Variants in ANGPTL5 observed in about 807,000 individuals in gnomAD.
ANGPTL5 encodes angiopoietin-related protein 5.
In ANGPTL5, 34 loss-of-function variants were observed where a neutral mutation model predicts 39.4. That is an observed-to-expected ratio of 0.86 (90% CI 0.66 to 1.15). The LOEUF is 1.15. Ranked by LOEUF, ANGPTL5 falls within the 50% of genes most tolerant of loss-of-function variation. The pLI, the probability that ANGPTL5 is intolerant of heterozygous loss-of-function variation, is 0.00. For missense variants in ANGPTL5, 467 were observed against 457.5 expected (o/e 1.02, Z -0.19); for synonymous variants, 146 against 152.1 (o/e 0.96, Z 0.29).
Position 101,905,726 on chromosome 11 carries a change from A to ATAC in ANGPTL5, c.345+15_345+17dup. Reference sequence around the variant, plus strand: ...AACGTGTACATGCAATAACAACACAATACTAAAACATCTATACCTGATTAG... The same window carrying ATAC: ...AACGTGTACATGCAATAACAACACAATACTACTAAAACATCTATACCTGATTAG... On this transcript the variant is annotated intron_variant, in intron 4 of 8. Coordinates refer to ENST00000334289, the MANE Select transcript of ANGPTL5 (RefSeq NM_178127.5). The ATAC allele has an allele frequency of 6.6e-7, 1 of 1,524,072 alleles. No individual in the cohort carries two copies. Among genetic ancestry groups the ATAC allele is most frequent in the Admixed American group, 1.7e-5 (1 of 59,712 alleles). 94.4% of individuals were successfully genotyped at this position (1,524,072 alleles called of 1,614,324 possible).
At chr11:101,901,400 T>TGAAA (rs1939897739) in intron 6 of ANGPTL5, among the ~76,000 whole-genome samples, 1 of 152,156 alleles carries the variant, frequency 6.6e-6, no homozygotes, top group Non-Finnish European at 1.5e-5. Context: ...GTTTTCAGAC[T>TGAAA]GGCATTTTCA....
rs774080375 is a variant in ANGPTL5, at chr11:101,900,419, A to G, written c.661+11T>C. 3 of 1,612,268 alleles carry G rather than the reference A, an allele frequency of 1.9e-6. No homozygotes were observed. The stretch of plus-strand genomic sequence containing the variant: ...GTAAACAATGTAGAGTAGAAATACA[A>G]AAAAATTAACCTAGAAGATCTCCAA... On this transcript the variant is annotated intron_variant, in intron 7 of 8. Transcript: ENST00000334289.
At position 101,891,220 on chromosome 11, in the gene ANGPTL5, CTT is replaced by C. The variant is rs755425392; in HGVS notation, c.*57_*58del. On this transcript the variant is annotated 3_prime_UTR_variant, in exon 9 of 9. Coordinates refer to ENST00000334289, the MANE Select transcript of ANGPTL5 (RefSeq NM_178127.5). ...TTGAAACACTAAGTGAAAAGATAAA[CTT>C]TTAAAAATCTTTAATATATTATCAT... 2.7e-6 allele frequency: 4 copies of C among 1,471,508 alleles called. No homozygotes were observed. Among genetic ancestry groups the C allele is most frequent in the South Asian group, 1.3e-5 (1 of 78,836 alleles). 91.2% of individuals were successfully genotyped at this position (1,471,508 alleles called of 1,614,324 possible). A position where few individuals can be genotyped will look rare whatever the true frequency, so the allele number is the denominator to read the frequency against.
At chr11:101,896,227 G>C (rs1485200717) in intron 7 of ANGPTL5, among the ~76,000 whole-genome samples, 1 of 150,982 alleles carries the variant, frequency 6.6e-6, no homozygotes, top group East Asian at 1.9e-4. Flanking sequence ...CTGTCACCCA[G>C]GCTACGGTGC....
chr11:101,904,467 G>T (rs1291724212), intron 5 of ANGPTL5, among the ~76,000 whole-genome samples: 1 of 152,118 alleles, frequency 6.6e-6, no homozygotes, highest in Non-Finnish European at 1.5e-5. Flanking sequence ...ATTTTTTACA[G>T]GTGGGAGGAA....
chr11:101,895,132 T>C, intron 7 of ANGPTL5, 68 bp from the exon 8 acceptor site: 1 of 1,279,184 alleles, frequency 7.8e-7, no homozygotes, highest in Non-Finnish European at 1.1e-6. Flanking sequence ...TTATTGAATG[T>C]TTGGTCTTGT....
At chr11:101,905,443 A>C (rs1451745854) in intron 4 of ANGPTL5, among the ~76,000 whole-genome samples, 1 of 152,090 alleles carries the variant, frequency 6.6e-6, no homozygotes, top group African/African-American at 2.4e-5. Context: ...TTCATCCTTC[A>C]TGACTGTTAA....
chr11:101,912,848 T>C (rs1036975186), intron 1 of ANGPTL5, among the ~76,000 whole-genome samples: 1 of 152,126 alleles, frequency 6.6e-6, no homozygotes, highest in African/African-American at 2.4e-5. Flanking sequence ...TTGACCAGGA[T>C]TAACGTTAAA....
Position 101,891,589 on chromosome 11 carries a change from A to G in ANGPTL5, c.857T>C (p.Phe286Ser), listed in dbSNP as rs766846166. 1.2e-6 allele frequency: 2 copies of G among 1,613,900 alleles called. 1 individual carries two copies. The highest frequency in any genetic ancestry group is 2.2e-5 in the South Asian group (2 of 91,030). Residue 286 changes from phenylalanine to serine, a missense_variant, in exon 9 of 9, where the codon TTC (phenylalanine) becomes TCC (serine). By Grantham distance (155) the Phe-to-Ser change is radical. Coordinates refer to ENST00000334289, the MANE Select transcript of ANGPTL5 (RefSeq NM_178127.5). Reference protein sequence around the residue: ...GRYSGNAGDAFRGLKKEDNQN... With the variant: ...GRYSGNAGDASRGLKKEDNQN... Reference sequence around the variant, plus strand: ...ATTATCTTCTTTTTTGAGACCCCGGAATGCATCACCTGGGAAAAAAATTTT... The same window carrying G: ...ATTATCTTCTTTTTTGAGACCCCGGGATGCATCACCTGGGAAAAAAATTTT...
intron 7 of ANGPTL5, among the ~76,000 whole-genome samples, chr11:101,898,476 A>T (rs1939837755): frequency 1.3e-5 from 2 of 152,078 alleles, no homozygotes. Flanking sequence ...AATTCTTATG[A>T]TTTTTACACA....
chr11:101,911,959 G>A (rs78189922), intron 1 of ANGPTL5, among the ~76,000 whole-genome samples: 5,396 of 152,206 alleles, frequency 0.035, 125 homozygotes, highest in African/African-American at 0.054. Flanking sequence ...TCAGACCTCT[G>A]TCCTAATTTC....
At chr11:101,893,487 T>G (rs1355093443) in intron 8 of ANGPTL5, among the ~76,000 whole-genome samples, 1 of 152,226 alleles carries the variant, frequency 6.6e-6, no homozygotes, top group Non-Finnish European at 1.5e-5. Context: ...TTACATTATG[T>G]GATCAACAGT....
chr11:101,907,705 T>C, intron 2 of ANGPTL5, 109 bp downstream of exon 2: 1 of 754,126 alleles, frequency 1.3e-6, no homozygotes, highest in East Asian at 2.8e-5. Flanking sequence ...GTTTTAATTG[T>C]TCCATAAATT....
chr11:101,913,152 A>C (rs1036878521), intron 1 of ANGPTL5, among the ~76,000 whole-genome samples: 1 of 152,182 alleles, frequency 6.6e-6, no homozygotes, highest in African/African-American at 2.4e-5. Flanking sequence ...GATTTCAATA[A>C]CTTTCTCCTG....
chr11:101,896,232 C>T (rs542385658), intron 7 of ANGPTL5, among the ~76,000 whole-genome samples: 2 of 151,610 alleles, frequency 1.3e-5, no homozygotes, highest in East Asian at 1.9e-4. Context: ...ACCCAGGCTA[C>T]GGTGCAGTAG....
At chr11:101,904,014 T>C (rs1939955828) in intron 5 of ANGPTL5, among the ~76,000 whole-genome samples, 1 of 152,064 alleles carries the variant, frequency 6.6e-6, no homozygotes, top group African/African-American at 2.4e-5. Flanking sequence ...AGAAAACATA[T>C]CAAGAGAGCA....
intron 7 of ANGPTL5, among the ~76,000 whole-genome samples, chr11:101,899,230 TTCTTTGTACC>T (rs1435731675): frequency 6.6e-6 from 1 of 152,210 alleles, no homozygotes; most frequent in Non-Finnish European, 1.5e-5. Flanking sequence ...GCACCAGCTC[TTCTTTGTACC>T]TCTGGTAAAA....
Position 101,902,687 on chromosome 11 carries a change from GC to G in ANGPTL5, c.473del (p.Gly158AlafsTer12). 6.2e-7 allele frequency: 1 copy of G among 1,611,448 alleles called. No homozygotes were observed. The highest frequency in any genetic ancestry group is 1.1e-5 in the South Asian group (1 of 90,858). On this transcript the variant is annotated frameshift_variant, in exon 6 of 9. Coordinates refer to ENST00000334289, the MANE Select transcript of ANGPTL5 (RefSeq NM_178127.5). LOFTEE classifies it high-confidence loss of function. ...AACCACTCGGTGTTTTGGTGACAGAGCCAATGGTATCCTTAATATCAGTGCA... is the reference window on the plus strand; with the variant it reads ...AACCACTCGGTGTTTTGGTGACAGAGCAATGGTATCCTTAATATCAGTGCA... ...LDCTDIKDTI[G>X]SVTKTPSGLY... is the part of the protein sequence containing the mutation.
rs1308620864 is a variant in ANGPTL5 at position 101,902,784 on chromosome 11, C to T, written c.440-63G>A. ...ATGTACATTTAAGGCAATCATTTTA[C>T]TATAGAGAATTGATAGTGCTATTAT... On this transcript the variant is annotated intron_variant, in intron 5 of 8. Transcript: ENST00000334289. 5 of 1,083,006 alleles carry T rather than the reference C, an allele frequency of 4.6e-6. No homozygotes were observed. In the African/African-American group the frequency reaches 7.7e-5, roughly 17 times the overall value. The allele number at this position is 1,083,006 out of a possible 1,614,324, so 67.1% of individuals were successfully genotyped here. A position where few individuals can be genotyped will look rare whatever the true frequency, so the allele number is the denominator to read the frequency against.
Sources: allele counts gnomAD v4.1 joint callset (sites outside exome capture counted in the v4.1 genomes callset), GRCh38; gene constraint gnomAD v4.1.1; transcripts MANE v1.5; gene names NCBI Gene and HGNC (gene_info 2026-07-23, HGNC 2026-07-21).